CLIC5: variants seen among roughly 807,000 people sequenced by gnomAD.
CLIC5 encodes the protein chloride intracellular channel protein 5.
A neutral mutation model predicts 24.7 loss-of-function variants in CLIC5; 20 were observed. That is an observed-to-expected ratio of 0.81 (90% CI 0.57 to 1.18). CLIC5 has a LOEUF of 1.18. CLIC5 is among the 50% of genes most tolerant of loss of function. CLIC5 has a pLI of 0.00. For synonymous variants in CLIC5, 159 were observed against 135.6 expected (o/e 1.17, Z -1.20); for missense variants, 341 against 326.1 (o/e 1.05, Z -0.35).
chr6:45,896,203 T>C (rs1762391374), downstream of CLIC5, among the ~76,000 whole-genome samples: 1 of 152,190 alleles, frequency 6.6e-6, no homozygotes, highest in Admixed American at 6.5e-5. Flanking sequence ...AAGAAAAAAT[T>C]CACATAGACG....
chr6:45,890,795 C>T (rs1210663335), intron 6 of CLIC5, among the ~76,000 whole-genome samples: 1 of 152,076 alleles, frequency 6.6e-6, no homozygotes, highest in Non-Finnish European at 1.5e-5. Context: ...GCCTAGAGGA[C>T]ATTATGTTAA....
At position 45,902,920 on chromosome 6, in the gene CLIC5, C is replaced by A. The variant is rs899251414; in HGVS notation, c.*168G>T. The A allele has an allele frequency of 8.6e-5, 60 of 698,486 alleles. No individual in the cohort carries two copies. Among genetic ancestry groups the A allele is most frequent in the Non-Finnish European group, 1.3e-4 (53 of 415,018 alleles). 43.3% of individuals were successfully genotyped at this position (698,486 alleles called of 1,614,324 possible). On this transcript the variant is annotated 3_prime_UTR_variant, in exon 6 of 6. Coordinates refer to ENST00000339561, the MANE Select transcript of CLIC5 (RefSeq NM_016929.5). Reference sequence around the variant, plus strand: ...CTATGTGAGGAGGCCAGGGATGGTGCTGACCTTCATGAAAGATAGCAGGCT... The same window carrying A: ...CTATGTGAGGAGGCCAGGGATGGTGATGACCTTCATGAAAGATAGCAGGCT...
chr6:46,103,189 C>A, the CLIC5 span, among the ~76,000 whole-genome samples: 4 of 152,106 alleles, frequency 2.6e-5, no homozygotes, highest in African/African-American at 9.7e-5. Flanking sequence ...TAATTAAGAT[C>A]TTCAAGCAAA....
the CLIC5 span, among the ~76,000 whole-genome samples, chr6:46,109,021 CA>C: frequency 9.3e-4 from 141 of 152,104 alleles, no homozygotes; most frequent in African/African-American, 3.3e-3. Context: ...TAATGTGCCC[CA>C]AGGTTATATA....
intron 1 of CLIC5, among the ~76,000 whole-genome samples, chr6:46,006,674 T>G (rs1306604703): frequency 1.3e-5 from 2 of 148,506 alleles, no homozygotes; most frequent in African/African-American, 5.2e-5. Context: ...GATATTTCTT[T>G]TTTTTCCTTT....
intron 1 of CLIC5, among the ~76,000 whole-genome samples, chr6:46,038,765 T>C (rs1043744334): frequency 1.3e-5 from 2 of 152,194 alleles, no homozygotes; most frequent in African/African-American, 4.8e-5. Context: ...TTTCAGAAGA[T>C]TTCCTAGTTT....
At chr6:46,077,310 A>AG (rs1762797329) in intron 1 of CLIC5, among the ~76,000 whole-genome samples, 1 of 152,150 alleles carries the variant, frequency 6.6e-6, no homozygotes, top group African/African-American at 2.4e-5. Context: ...AGAACAGGTG[A>AG]AAACATACAC....
intron 1 of CLIC5, among the ~76,000 whole-genome samples, chr6:45,974,516 T>TAGAGAGAGAGAG (rs1765316244): frequency 1.1e-5 from 1 of 89,980 alleles, no homozygotes; most frequent in African/African-American, 4.7e-5. Flanking sequence ...TATATATATA[T>TAGAGAGAGAGAG]ATATATAGAG....
intron 1 of CLIC5, among the ~76,000 whole-genome samples, chr6:46,003,485 G>A (rs944572423): frequency 3.9e-5 from 6 of 152,062 alleles, no homozygotes; most frequent in Admixed American, 1.3e-4. Flanking sequence ...ATAATTCCAC[G>A]GGCCATGGAG....
intron 1 of CLIC5, 47 bp downstream of exon 1, chr6:46,015,433 C>G (rs1467379703): frequency 6.8e-7 from 1 of 1,471,082 alleles, no homozygotes; most frequent in Non-Finnish European, 9.1e-7. Context: ...TGGGTGAGCC[C>G]GGCGGGAGGC....
chr6:46,015,512 C>G lies in CLIC5; in HGVS notation c.31G>C (p.Asp11His). 6.3e-7 allele frequency: 1 copy of G among 1,574,802 alleles called. No homozygotes were observed. The highest frequency in any genetic ancestry group is 8.6e-7 in the Non-Finnish European group (1 of 1,161,904). ...AAGAGCTCGATCTCGGGGTCCCTGT[C>G]GTCCCCGTTAGCTGTCGCCGAGTCT... is the stretch of plus-strand genomic sequence containing the variant. MTDSATANGD[D>H]RDPEIELFVK... Residue 11 changes from aspartate to histidine, a missense_variant, in exon 1 of 6, where the codon GAC becomes CAC. Transcript: ENST00000339561.
At chr6:45,953,913 T>G (rs1581785861) in intron 2 of CLIC5, among the ~76,000 whole-genome samples, 1 of 152,072 alleles carries the variant, frequency 6.6e-6, no homozygotes, top group East Asian at 1.9e-4. Flanking sequence ...GAGAATGCTC[T>G]AGACTTGGCT....
chr6:45,948,294 C>T (rs769309422), intron 3 of CLIC5, among the ~76,000 whole-genome samples: 8 of 152,194 alleles, frequency 5.3e-5, no homozygotes, highest in Non-Finnish European at 8.8e-5. Context: ...TCCTCTCCCC[C>T]GATTTTCCTG....
upstream of CLIC5, among the ~76,000 whole-genome samples, chr6:46,083,757 T>G (rs1214540562): frequency 6.6e-6 from 1 of 152,050 alleles, no homozygotes; most frequent in Admixed American, 6.6e-5. Flanking sequence ...TTCTGTTGAT[T>G]TGGGGTGGAG....
At chr6:45,954,902 T>G (rs1235162373) in intron 2 of CLIC5, among the ~76,000 whole-genome samples, 1 of 152,198 alleles carries the variant, frequency 6.6e-6, no homozygotes, top group Non-Finnish European at 1.5e-5. Flanking sequence ...ATTCCTTGCT[T>G]CTTCTTTGCT....
chr6:45,939,917 C>T (rs1764072944), intron 4 of CLIC5, among the ~76,000 whole-genome samples: 1 of 151,892 alleles, frequency 6.6e-6, no homozygotes, highest in Admixed American at 6.6e-5. Context: ...GTTCAAGCAG[C>T]AATGAAGCAA....
chr6:46,087,452 C>T, the CLIC5 span, among the ~76,000 whole-genome samples: 170 of 152,176 alleles, frequency 1.1e-3, 1 homozygote, highest in African/African-American at 4.0e-3. Flanking sequence ...GCAGGGCTTC[C>T]CCTGCTTCAT....
rs185658268 is a variant in CLIC5 at position 45,998,212 on chromosome 6, A to G, written c.63+17268T>C. 2.2e-4 allele frequency among the ~76,000 whole-genome samples: 33 copies of G among 152,336 alleles called. No individual in the cohort carries two copies. The East Asian group carries it at 6.0e-3, about 28-fold the overall frequency. Reference sequence around the variant, plus strand: ...TATTTTTCACACGGTGACATCCTGGAAAGACCTGCTGTGAGTTCCCACTAG... The same window carrying G: ...TATTTTTCACACGGTGACATCCTGGGAAGACCTGCTGTGAGTTCCCACTAG... On this transcript the variant is annotated intron_variant, in intron 1 of 5. Transcript: ENST00000339561.
chr6:46,031,644 G>T (rs1253351779), intron 1 of CLIC5, among the ~76,000 whole-genome samples: 1 of 151,824 alleles, frequency 6.6e-6, no homozygotes, highest in Non-Finnish European at 1.5e-5. Flanking sequence ...TCCACTGATA[G>T]GAAACTCTTA....
Sources: allele counts gnomAD v4.1 joint callset (sites outside exome capture counted in the v4.1 genomes callset), GRCh38; gene constraint gnomAD v4.1.1; transcripts MANE v1.5; gene names NCBI Gene and HGNC (gene_info 2026-07-23, HGNC 2026-07-21).